SLC25A46: variants seen among roughly 807,000 people sequenced by gnomAD.
The protein encoded by SLC25A46 is mitochondrial outer membrane protein SLC25A46.
A neutral mutation model predicts 44.6 loss-of-function variants in SLC25A46; 39 were observed. The ratio of observed to expected loss-of-function variants is 0.87; its 90% confidence interval spans 0.68 to 1.14. The LOEUF is 1.14. SLC25A46 is among the 50% of genes most tolerant of loss of function. SLC25A46 has a pLI of 0.00. For synonymous variants in SLC25A46, 202 were observed against 185.8 expected (o/e 1.09, Z -0.71); for missense variants, 547 against 522.7 (o/e 1.05, Z -0.45).
chr5:110,759,726 G>C (rs572147453), intron 7 of SLC25A46, among the ~76,000 whole-genome samples: 5 of 152,174 alleles, frequency 3.3e-5, no homozygotes, highest in South Asian at 2.1e-4. Context: ...TGATAGGTTT[G>C]AGCAGAGCGG....
chr5:110,752,437 TAGG>T (rs1799989787), intron 5 of SLC25A46, among the ~76,000 whole-genome samples: 2 of 152,094 alleles, frequency 1.3e-5, no homozygotes. Context: ...TAACGCGAGG[TAGG>T]AGTTCCTGTA....
At chr5:110,755,436 TTTTA>T in intron 5 of SLC25A46, 25 bp from the exon 6 acceptor site, 1 of 1,417,584 alleles carries the variant, frequency 7.1e-7, no homozygotes, top group Non-Finnish European at 9.8e-7. Flanking sequence ...ATGGCTTTTG[TTTTA>T]TTTAAGTTTA....
In SLC25A46 at chr5:110,746,356, T is replaced by G; in HGVS notation, c.462+10T>G. On this transcript the variant is annotated intron_variant, in intron 4 of 7. Coordinates refer to ENST00000355943, the MANE Select transcript of SLC25A46 (RefSeq NM_138773.4). ...TTTCAACAAAACTCAGGTGAGAATT[T>G]TGTCTGGATTCTATTAAAGGTTTAT... The G allele has an allele frequency of 6.4e-7, 1 of 1,557,766 alleles. No individual in the cohort carries two copies. The highest frequency in any genetic ancestry group is 8.7e-7 in the Non-Finnish European group (1 of 1,150,702).
chr5:110,739,332 C>T lies in SLC25A46; in HGVS notation c.213C>T (p.Thr71=), dbSNP rs756759699. 4 of 1,565,544 alleles carry T rather than the reference C, an allele frequency of 2.6e-6. No homozygotes were observed. The East Asian group carries it at 9.4e-5, about 37-fold the overall frequency. Residue 71 remains threonine (T), a synonymous_variant, in exon 1 of 8, where the codon ACC becomes ACT. Transcript: ENST00000355943. ...CCTACGGCGTGCCCACCACCTCCAC[C>T]CCGTACGAAGGCCCCACGGAGGAAC... ...SPPYGVPTTS[T]PYEGPTEEPF...
chr5:110,746,289 T>C lies in SLC25A46; in HGVS notation c.405T>C (p.His135=). 6.3e-7 allele frequency: 1 copy of C among 1,588,866 alleles called. No homozygotes were observed. The highest frequency in any genetic ancestry group is 8.5e-7 in the Non-Finnish European group (1 of 1,171,440). Residue 135 remains histidine, a synonymous_variant, in exon 4 of 8, where the codon CAT becomes CAC. Coordinates refer to ENST00000355943, the MANE Select transcript of SLC25A46 (RefSeq NM_138773.4). ...RQCQVNYHAQ[H]YHLTPFTVIN... ...TACAGGTTAATTACCATGCTCAGCATTACCATCTCACTCCATTTACAGTCA... is the reference window on the plus strand; with the variant it reads ...TACAGGTTAATTACCATGCTCAGCACTACCATCTCACTCCATTTACAGTCA...
chr5:110,738,160 T>G, upstream of SLC25A46: 1 of 1,206,100 alleles, frequency 8.3e-7, no homozygotes, highest in South Asian at 1.4e-5. Flanking sequence ...TCCAACGAGT[T>G]GAAGGAACAT....
At chr5:110,760,225 C>T (rs937199179) in intron 7 of SLC25A46, among the ~76,000 whole-genome samples, 6 of 152,040 alleles carry the variant, frequency 3.9e-5, no homozygotes, top group African/African-American at 1.4e-4. Context: ...TGCAATTCAC[C>T]AGTAATTCCC....
rs1800289434 is a variant in SLC25A46 at position 110,762,790 on chromosome 5, G to A, written c.*1008G>A. On this transcript the variant is annotated 3_prime_UTR_variant, in exon 8 of 8. Coordinates refer to ENST00000355943, the MANE Select transcript of SLC25A46 (RefSeq NM_138773.4). Reference sequence around the variant, plus strand: ...AATTAAAATTCATCTGGGAATTTGTGCCTCTTGTCTAGTATATAGTCACCA... The same window carrying A: ...AATTAAAATTCATCTGGGAATTTGTACCTCTTGTCTAGTATATAGTCACCA... The A allele has an allele frequency of 6.6e-6, 1 of 151,866 alleles. No individual in the cohort carries two copies. Among genetic ancestry groups the A allele is most frequent in the Non-Finnish European group, 1.5e-5 (1 of 67,888 alleles). 9.4% of individuals were successfully genotyped at this position (151,866 alleles called of 1,614,324 possible).
At chr5:110,740,155 C>T (rs1417101636) in intron 1 of SLC25A46, among the ~76,000 whole-genome samples, 1 of 152,190 alleles carries the variant, frequency 6.6e-6, no homozygotes, top group Non-Finnish European at 1.5e-5. Context: ...AGCTGCAACA[C>T]TGCATGATGT....
chr5:110,745,766 T>G (rs1434171971), intron 3 of SLC25A46: 1 of 152,468 alleles, frequency 6.6e-6, no homozygotes, highest in African/African-American at 2.4e-5. Context: ...AACATGGAGA[T>G]CCAATGGATA....
chr5:110,741,978 T>C, intron 1 of SLC25A46, 69 bp from the exon 2 acceptor site: 1 of 1,105,842 alleles, frequency 9.0e-7, no homozygotes, highest in Non-Finnish European at 1.3e-6. Context: ...GTTTTGAGAC[T>C]AAACCTAAAT....
intron 4 of SLC25A46, 30 bp from the exon 5 acceptor site, chr5:110,748,133 C>G (rs946187924): frequency 6.6e-7 from 1 of 1,510,594 alleles, no homozygotes; most frequent in Admixed American, 1.7e-5. Context: ...TAGGTATTAA[C>G]AGAAATAACA....
chr5:110,757,487 G>A (rs1415014317), intron 7 of SLC25A46, among the ~76,000 whole-genome samples: 6 of 151,952 alleles, frequency 3.9e-5, no homozygotes. Flanking sequence ...TAGTATATGT[G>A]AGTGCCCTCT....
intron 7 of SLC25A46, among the ~76,000 whole-genome samples, chr5:110,757,278 T>C (rs1289154857): frequency 6.6e-6 from 1 of 152,124 alleles, no homozygotes; most frequent in Non-Finnish European, 1.5e-5. Flanking sequence ...CTGCTAGCAC[T>C]TGAAATTCTG....
upstream of SLC25A46, chr5:110,738,794 T>C (rs1172796262): frequency 2.3e-6 from 1 of 443,488 alleles, no homozygotes; most frequent in African/African-American, 2.1e-5. Flanking sequence ...GCAGGCCCTA[T>C]TCCTACACCA....
chr5:110,747,175 C>T (rs917465019), intron 4 of SLC25A46, among the ~76,000 whole-genome samples: 3 of 152,114 alleles, frequency 2.0e-5, no homozygotes, highest in Admixed American at 6.5e-5. Flanking sequence ...CAAGGATGTC[C>T]TATGACATTG....
At chr5:110,756,640 TA>T in intron 6 of SLC25A46, 61 bp from the exon 7 acceptor site, 1 of 1,132,086 alleles carries the variant, frequency 8.8e-7, no homozygotes, top group Non-Finnish European at 1.3e-6. Flanking sequence ...AAGCAGATAT[TA>T]AAAAATTTAG....
chr5:110,763,834 T>A lies in SLC25A46; in HGVS notation c.*2052T>A, dbSNP rs1352834011. The A allele has an allele frequency of 1.3e-5, 2 of 151,750 alleles. No individual in the cohort carries two copies. Among genetic ancestry groups the A allele is most frequent in the Non-Finnish European group, 2.9e-5 (2 of 67,798 alleles). 9.4% of individuals were successfully genotyped at this position (151,750 alleles called of 1,614,324 possible). On this transcript the variant is annotated 3_prime_UTR_variant, in exon 8 of 8. Coordinates refer to ENST00000355943, the MANE Select transcript of SLC25A46 (RefSeq NM_138773.4). ...AAGAGAATACAAATTAACATTAAAA[T>A]TGAAATGTAGAAAGTAAAATATGAA...
intron 7 of SLC25A46, among the ~76,000 whole-genome samples, chr5:110,760,600 T>A (rs2150418565): frequency 6.6e-6 from 1 of 152,156 alleles, no homozygotes; most frequent in East Asian, 1.9e-4. Flanking sequence ...TATCTATCTA[T>A]ACCTCGGTAA....
Sources: gnomAD v4.1 joint callset for allele counts (sites outside exome capture counted in the v4.1 genomes callset) on GRCh38, gnomAD v4.1.1 for gene constraint, MANE v1.5 for transcripts, NCBI Gene and HGNC (gene_info 2026-07-23, HGNC 2026-07-21) for gene names.